Variants in PYCR1 observed in about 807,000 individuals in gnomAD.
PYCR1 encodes the protein pyrroline-5-carboxylate reductase 1, also known as pyrroline-5-carboxylate reductase 1, mitochondrial.
Under a neutral mutation model 22.9 loss-of-function variants are expected in PYCR1, and 19 were observed. The ratio of observed to expected loss-of-function variants is 0.83; its 90% CI spans 0.58 to 1.22. The LOEUF is 1.22. Among genes scored for constraint, PYCR1 ranks in the 50% most tolerant of loss-of-function variants. The probability of loss-of-function intolerance (pLI) is 0.00; values close to 1 mark genes in which losing one functional copy is unlikely to be tolerated. For synonymous variants in PYCR1, 175 were observed against 180.5 expected, an observed-to-expected ratio of 0.97 and a Z score of 0.24; for missense variants, 429 against 431.3, an observed-to-expected ratio of 0.99 and a Z score of 0.05.
rs564658518 is a variant in PYCR1 at position 81,936,793 on chromosome 17, C to A, written c.22G>T (p.Ala8Ser). Residue 8 changes from alanine to serine, a missense_variant, in exon 1 of 7, where the codon GCT becomes TCT. Transcript: ENST00000329875. ...GCCAGGGCAAAAGCCAGCTGGCCAG[C>A]GCCGATGAAGCCCACGCTCATGCTG... MSVGFIG[A>S]GQLAFALAKG... 6 of 1,610,452 alleles carry A rather than the reference C, an allele frequency of 3.7e-6. No homozygotes were observed. The highest frequency in any genetic ancestry group is 5.1e-6 in the Non-Finnish European group (6 of 1,179,184).
chr17:81,932,773 C>G lies in PYCR1; in HGVS notation c.*441G>C. The G allele has an allele frequency of 6.9e-7, 1 of 1,448,742 alleles. No individual in the cohort carries two copies. The highest frequency in any genetic ancestry group is 9.4e-7 in the Non-Finnish European group (1 of 1,068,434). The allele number at this position is 1,448,742 out of a possible 1,614,324, so 89.7% of individuals were successfully genotyped here. On this transcript the variant is annotated 3_prime_UTR_variant, in exon 7 of 7. Transcript: ENST00000329875. ...CCTGGACCCTCTGGCCCTTCTCACACGGGAAGGAGAGGTTTCTCCCTGAAT... is the reference window on the plus strand; with the variant it reads ...CCTGGACCCTCTGGCCCTTCTCACAGGGGAAGGAGAGGTTTCTCCCTGAAT...
rs1217192704 is a variant in PYCR1 at position 81,932,859 on chromosome 17, G to C, written c.*355C>G. ...CCCACCTCTGCTGAGCCTTCACAGA[G>C]GGGGTCCTTGACCTTTGCTCTCAGG... On this transcript the variant is annotated 3_prime_UTR_variant, in exon 7 of 7. Coordinates refer to ENST00000329875, the MANE Select transcript of PYCR1 (RefSeq NM_006907.4). 1 of 1,601,324 alleles carries C rather than the reference G, an allele frequency of 6.2e-7. No homozygotes were observed. Among genetic ancestry groups the C allele is most frequent in the African/African-American group, 1.3e-5 (1 of 74,852 alleles).
At chr17:81,935,598 G>GC in intron 2 of PYCR1, 82 bp from the exon 3 acceptor site, 4 of 838,082 alleles carry the variant, frequency 4.8e-6, no homozygotes, top group Admixed American at 2.2e-5. Context: ...AGGTAGAATG[G>GC]CACAGAGAAT....
In PYCR1 at chr17:81,936,751, C is replaced by A; in HGVS notation, c.64G>T (p.Ala22Ser). The part of the protein sequence containing the change: ...AFALAKGFTA[A>S]GVLAAHKIMA... ...CGTCCCCCACCTGGGGGCCTACCTGCTGCTGTGAAGCCCTTGGCCAGGGCA... is the reference window on the plus strand; with the variant it reads ...CGTCCCCCACCTGGGGGCCTACCTGATGCTGTGAAGCCCTTGGCCAGGGCA... Residue 22 changes from alanine (A) to serine (S), a missense_variant, in exon 1 of 7, where the codon GCA becomes TCA. By Grantham distance (99) the Ala-to-Ser change is moderately conservative. Coordinates refer to ENST00000329875, the MANE Select transcript of PYCR1 (RefSeq NM_006907.4). The A allele has an allele frequency of 6.2e-7, 1 of 1,607,914 alleles. No homozygotes were observed. The highest frequency in any genetic ancestry group is 8.5e-7 in the Non-Finnish European group (1 of 1,178,084).
In PYCR1 at chr17:81,936,967, A is replaced by G; in HGVS notation, c.-153T>C. ...CACCTCCCCTGGTCCCAGCTGGTCT[A>G]ACTTTCCACTTTGCTGTCCGGCCCG... On this transcript the variant is annotated 5_prime_UTR_variant, in exon 1 of 7. Coordinates refer to ENST00000329875, the MANE Select transcript of PYCR1 (RefSeq NM_006907.4). The G allele has an allele frequency of 4.7e-6, 7 of 1,501,838 alleles. No individual in the cohort carries two copies. The highest frequency in any genetic ancestry group is 6.2e-6 in the Non-Finnish European group (7 of 1,125,938). 93.0% of individuals were successfully genotyped at this position (1,501,838 alleles called of 1,614,324 possible).
In PYCR1 at chr17:81,935,488, TTG is replaced by T; in HGVS notation, c.165_166del (p.His55GlnfsTer9). 6.2e-7 allele frequency: 1 copy of T among 1,612,056 alleles called. No homozygotes were observed. Among genetic ancestry groups the T allele is most frequent in the Non-Finnish European group, 8.5e-7 (1 of 1,179,334 alleles). ...ATCACTGTGCTGCACCGTCTCCTTG[TTG>T]TGGGGTGTCAACTTCACCCCCATCT... On this transcript the variant is annotated frameshift_variant, in exon 3 of 7. Coordinates refer to ENST00000329875, the MANE Select transcript of PYCR1 (RefSeq NM_006907.4). LOFTEE classifies it high-confidence loss of function.
Position 81,932,728 on chromosome 17 carries a change from T to C in PYCR1, c.*486A>G. ...TGGCAGCCAAGAGGGGCTGTGGCCC[T>C]TCACGCTGGACTTGGGATGCCTGGA... On this transcript the variant is annotated 3_prime_UTR_variant, in exon 7 of 7. Transcript: ENST00000329875. The C allele has an allele frequency of 8.7e-7, 1 of 1,154,504 alleles. No individual in the cohort carries two copies. Among genetic ancestry groups the C allele is most frequent in the Non-Finnish European group, 1.2e-6 (1 of 810,824 alleles). The allele number at this position is 1,154,504 out of a possible 1,614,324, so 71.5% of individuals were successfully genotyped here.
In PYCR1 at chr17:81,937,013, A is replaced by C; in HGVS notation, c.-199T>G. ...GCCCGTTAACTGCTTCGGGGCCCCC[A>C]GTCAGAGCGGCGGTGCCTGGCCTGC... On this transcript the variant is annotated 5_prime_UTR_variant, in exon 1 of 7. Transcript: ENST00000329875. The C allele has an allele frequency of 2.1e-6, 3 of 1,461,886 alleles. No homozygotes were observed. The highest frequency in any genetic ancestry group is 2.7e-6 in the Non-Finnish European group (3 of 1,107,552). 90.6% of individuals were successfully genotyped at this position (1,461,886 alleles called of 1,614,324 possible). A position where few individuals can be genotyped will look rare whatever the true frequency, so the allele number is the denominator to read the frequency against.
chr17:81,934,322 C>G lies in PYCR1; in HGVS notation c.797+4G>C, dbSNP rs1458623092. 1 of 1,612,604 alleles carries G rather than the reference C, an allele frequency of 6.2e-7. No individual in the cohort carries two copies. The highest frequency in any genetic ancestry group is 1.3e-5 in the African/African-American group (1 of 74,924). On this transcript the variant is annotated splice_donor_region_variant and intron_variant, in intron 6 of 6. Coordinates refer to ENST00000329875, the MANE Select transcript of PYCR1 (RefSeq NM_006907.4). ...CCAGGGAAGCGGGCAGCGCGGGGGC[C>G]CACCGTGTGCGGATGCAGGAGGCCT...
In PYCR1 at chr17:81,936,733, C is replaced by CA. The variant is rs1189444905; in HGVS notation, c.67+14dup. The CA allele has an allele frequency of 1.3e-6, 2 of 1,599,706 alleles. No homozygotes were observed. Among genetic ancestry groups the CA allele is most frequent in the Non-Finnish European group, 1.7e-6 (2 of 1,174,400 alleles). On this transcript the variant is annotated intron_variant, in intron 1 of 6. Coordinates refer to ENST00000329875, the MANE Select transcript of PYCR1 (RefSeq NM_006907.4). Reference sequence around the variant, plus strand: ...TCTCCCACTGGGCCTCACCGTCCCCCACCTGGGGGCCTACCTGCTGCTGTG... The same window carrying CA: ...TCTCCCACTGGGCCTCACCGTCCCCCAACCTGGGGGCCTACCTGCTGCTGTG...
intron 6 of PYCR1, 140 bp from the exon 7 acceptor site, chr17:81,933,516 C>G (rs561657696): frequency 9.7e-7 from 1 of 1,027,010 alleles, no homozygotes. Context: ...CCTCTGCCAG[C>G]GACACGCCCC....
intron 2 of PYCR1, 37 bp downstream of exon 2, chr17:81,936,084 AGG>A (rs751611068): frequency 3.7e-6 from 6 of 1,607,264 alleles, no homozygotes; most frequent in Middle Eastern, 1.7e-4. Context: ...CCAGCCCCAC[AGG>A]GACTCAGTCT....
chr17:81,935,627 C>T, intron 2 of PYCR1, 111 bp from the exon 3 acceptor site: 1 of 792,892 alleles, frequency 1.3e-6, no homozygotes, highest in Non-Finnish European at 2.0e-6. Flanking sequence ...TGGGGGTGGG[C>T]AGGGCTGGGG....
rs754241201 is a variant in PYCR1 at position 81,934,502 on chromosome 17, G to A, written c.634-13C>T. The stretch of plus-strand genomic sequence containing the variant: ...TCTTGGCAGCCCCCTGCAGCCAGAA[G>A]AAAGGCTGACGGCTGTGGGCACGCA... On this transcript the variant is annotated splice_polypyrimidine_tract_variant and intron_variant, in intron 5 of 6. Transcript: ENST00000329875. 3.8e-6 allele frequency: 6 copies of A among 1,591,934 alleles called. No homozygotes were observed. Among genetic ancestry groups the A allele is most frequent in the Non-Finnish European group, 5.1e-6 (6 of 1,171,042 alleles).
chr17:81,937,238 C>T lies in PYCR1; in HGVS notation c.-424G>A. On this transcript the variant is annotated 5_prime_UTR_variant, in exon 1 of 7. Coordinates refer to ENST00000329875, the MANE Select transcript of PYCR1 (RefSeq NM_006907.4). ...TTCCCGGAGCCCGACCCCAACCCAG[C>T]TACCGTGCGCGGGTCGTACCCACCC... 7.0e-7 allele frequency: 1 copy of T among 1,424,130 alleles called. No individual in the cohort carries two copies. Among genetic ancestry groups the T allele is most frequent in the Non-Finnish European group, 9.2e-7 (1 of 1,091,672 alleles). 88.2% of individuals were successfully genotyped at this position (1,424,130 alleles called of 1,614,324 possible). A position where few individuals can be genotyped will look rare whatever the true frequency, so the allele number is the denominator to read the frequency against.
Position 81,935,330 on chromosome 17 carries a change from G to A in PYCR1, c.318+7C>T, listed in dbSNP as rs1335140588. 2 of 1,611,610 alleles carry A rather than the reference G, an allele frequency of 1.2e-6. No homozygotes were observed. ...CTCTCCACACCCCACTGGGCCTGCGGTGCTACCTTCTCAATGGAGCTGATG... is the reference window on the plus strand; with the variant it reads ...CTCTCCACACCCCACTGGGCCTGCGATGCTACCTTCTCAATGGAGCTGATG... On this transcript the variant is annotated splice_region_variant and intron_variant, in intron 3 of 6. Coordinates refer to ENST00000329875, the MANE Select transcript of PYCR1 (RefSeq NM_006907.4).
In PYCR1 at chr17:81,937,215, C is replaced by T. The variant is rs1481130081; in HGVS notation, c.-401G>A. On this transcript the variant is annotated 5_prime_UTR_variant, in exon 1 of 7. Transcript: ENST00000329875. ...CACCCGGCGACCGCCGCCCACCATTCCCGGAGCCCGACCCCAACCCAGCTA... is the reference window on the plus strand; with the variant it reads ...CACCCGGCGACCGCCGCCCACCATTTCCGGAGCCCGACCCCAACCCAGCTA... 1 of 1,476,512 alleles carries T rather than the reference C, an allele frequency of 6.8e-7. No individual in the cohort carries two copies. The highest frequency in any genetic ancestry group is 1.3e-5 in the South Asian group (1 of 76,260). The allele number at this position is 1,476,512 out of a possible 1,614,324, so 91.5% of individuals were successfully genotyped here.
In PYCR1 at chr17:81,936,128, G is replaced by A; in HGVS notation, c.133C>T (p.Leu45Phe). 2 of 1,613,876 alleles carry A rather than the reference G, an allele frequency of 1.2e-6. No homozygotes were observed. Among genetic ancestry groups the A allele is most frequent in the African/African-American group, 1.3e-5 (1 of 75,062 alleles). The change falls in exon 2 of 7, where the codon CTC becomes TTC. Residue 45 changes from leucine to phenylalanine, a missense_variant. Coordinates refer to ENST00000329875, the MANE Select transcript of PYCR1 (RefSeq NM_006907.4). ...PDMDLATVSALRKMGVKLTPH... is the reference protein window; with the variant it reads ...PDMDLATVSAFRKMGVKLTPH... ...TCCCTTTCATCTGCACCTACCCTGA[G>A]AGCAGAAACTGTGGCCAGGTCCATG...
chr17:81,933,620 C>T (rs1465115249), intron 6 of PYCR1, among the ~76,000 whole-genome samples: 2 of 152,226 alleles, frequency 1.3e-5, no homozygotes, highest in Non-Finnish European at 2.9e-5. Flanking sequence ...TTCTCGTGGC[C>T]CCACCACGGG....
Sources: allele counts gnomAD v4.1 joint callset (sites outside exome capture counted in the v4.1 genomes callset), GRCh38; gene constraint gnomAD v4.1.1; transcripts MANE v1.5; gene names NCBI Gene and HGNC (gene_info 2026-07-23, HGNC 2026-07-21).